Variants in PTPRD observed in about 807,000 individuals in gnomAD.
The protein encoded by PTPRD is protein tyrosine phosphatase receptor type D, also known as receptor-type tyrosine-protein phosphatase delta.
Under a neutral mutation model 214.5 loss-of-function variants are expected in PTPRD, and 34 were observed. That is an observed-to-expected ratio of 0.16 (90% CI 0.12 to 0.21). PTPRD has a LOEUF of 0.21. Among genes scored for constraint, PTPRD ranks in the 10% least tolerant of loss-of-function variants. The probability of loss-of-function intolerance (pLI) is 1.00; values close to 1 mark genes in which losing one functional copy is unlikely to be tolerated. For synonymous variants in PTPRD, 1,128 were observed against 845.7 expected (o/e 1.33, Z -5.79); for missense variants, 2,545 against 2,398.7 (o/e 1.06, Z -1.27).
chr9:9,417,582 A>AAAAATT (rs1401185345), intron 8 of PTPRD, among the ~76,000 whole-genome samples: 6 of 152,146 alleles, frequency 3.9e-5, no homozygotes, highest in Non-Finnish European at 5.9e-5. Flanking sequence ...AGGGTCTTAA[A>AAAAATT]AAAATTGAAA....
chr9:9,939,476 A>C (rs2090757146), intron 4 of PTPRD, among the ~76,000 whole-genome samples: 1 of 152,132 alleles, frequency 6.6e-6, no homozygotes, highest in Non-Finnish European at 1.5e-5. Context: ...CATGATGAAG[A>C]TCCTGCAATT....
Position 9,149,339 on chromosome 9 carries a change from T to A in PTPRD, c.-143+33965A>T, listed in dbSNP as rs973956480. ...TATTGCCATTATTAATTATTTATCA[T>A]ATATTTGCAATGTAGTGGTGGTGGT... On this transcript the variant is annotated intron_variant, in intron 10 of 45. Coordinates refer to ENST00000381196, the MANE Select transcript of PTPRD (RefSeq NM_002839.4). 2.0e-5 allele frequency among the ~76,000 whole-genome samples: 3 copies of A among 152,244 alleles called. No individual in the cohort carries two copies. In the South Asian group the frequency reaches 6.2e-4, roughly 32 times the overall value.
At chr9:9,743,449 T>G (rs1242812338) in intron 6 of PTPRD, among the ~76,000 whole-genome samples, 1 of 152,092 alleles carries the variant, frequency 6.6e-6, no homozygotes, top group Non-Finnish European at 1.5e-5. Context: ...ATTAAATAAG[T>G]TGTTCCTATG....
intron 14 of PTPRD, among the ~76,000 whole-genome samples, chr9:8,594,863 T>TA (rs2094385527): frequency 6.9e-6 from 1 of 144,008 alleles, no homozygotes. Context: ...TTAACCCCTT[T>TA]TTTTTTTTTT....
chr9:8,364,832 C>A (rs1195195096), intron 39 of PTPRD, among the ~76,000 whole-genome samples: 2 of 152,338 alleles, frequency 1.3e-5, no homozygotes, highest in South Asian at 4.1e-4. Flanking sequence ...TCCCATTATT[C>A]ATGGGCTTGA....
intron 32 of PTPRD, among the ~76,000 whole-genome samples, chr9:8,461,185 A>T (rs184224992): frequency 1.3e-5 from 2 of 152,190 alleles, no homozygotes; most frequent in Admixed American, 1.3e-4. Context: ...TTCAAAAGAG[A>T]ATTCCACAGT....
At chr9:10,034,940 G>GTAATAGGATTGCTA (rs1567220068) in intron 3 of PTPRD, among the ~76,000 whole-genome samples, 1 of 151,652 alleles carries the variant, frequency 6.6e-6, no homozygotes, top group Non-Finnish European at 1.5e-5. Context: ...TTGAGTATAT[G>GTAATAGGATTGCTA]GTAATAGGAT....
At position 9,629,238 on chromosome 9, in the gene PTPRD, G is replaced by GTGTGTATATATATATATATATA. The variant is rs149327972; in HGVS notation, c.-286-54458_-286-54457insTATATATATATATATATACACA. On this transcript the variant is annotated intron_variant, in intron 7 of 45. Coordinates refer to ENST00000381196, the MANE Select transcript of PTPRD (RefSeq NM_002839.4). ...TGGGGAGATATATATGTGTGTGTGT[G>GTGTGTATATATATATATATATA]TATATATATATATATATATGAACAC... Among the ~76,000 whole-genome samples, 777 of 140,200 alleles carry GTGTGTATATATATATATATATA rather than the reference G, an allele frequency of 5.5e-3. 9 individuals carry two copies. Among genetic ancestry groups the GTGTGTATATATATATATATATA allele is most frequent in the African/African-American group, 0.019 (668 of 35,394 alleles). 92.0% of individuals were successfully genotyped at this position (140,200 alleles called of 152,430 possible). A position where few individuals can be genotyped will look rare whatever the true frequency, so the allele number is the denominator to read the frequency against.
intron 14 of PTPRD, among the ~76,000 whole-genome samples, chr9:8,572,818 G>T (rs1381824609): frequency 6.6e-6 from 1 of 151,614 alleles, no homozygotes; most frequent in Non-Finnish European, 1.5e-5. Context: ...TCATATTACT[G>T]TGTATACTTG....
chr9:8,715,730 T>C (rs1474504941), intron 12 of PTPRD, among the ~76,000 whole-genome samples: 2 of 152,232 alleles, frequency 1.3e-5, no homozygotes. Context: ...CTAATTAGTG[T>C]CACCTCAATA....
chr9:10,493,006 A>C (rs1252047582), intron 2 of PTPRD, among the ~76,000 whole-genome samples: 1 of 152,154 alleles, frequency 6.6e-6, no homozygotes, highest in Non-Finnish European at 1.5e-5. Flanking sequence ...CAATTGCTAC[A>C]AATAGAATAC....
intron 11 of PTPRD, among the ~76,000 whole-genome samples, chr9:8,746,247 G>A (rs930079059): frequency 1.3e-5 from 2 of 152,136 alleles, no homozygotes; most frequent in African/African-American, 2.4e-5. Flanking sequence ...ACTTTATTAC[G>A]AAGTTGCTGA....
intron 11 of PTPRD, among the ~76,000 whole-genome samples, chr9:8,944,602 C>T (rs2099052707): frequency 6.6e-6 from 1 of 151,944 alleles, no homozygotes; most frequent in African/African-American, 2.4e-5. Context: ...TCATTTGCAA[C>T]AAGGATGGAA....
intron 4 of PTPRD, among the ~76,000 whole-genome samples, chr9:9,982,482 GTGTGTGT>G (rs2095576792): frequency 2.6e-3 from 21 of 8,226 alleles, no homozygotes; most frequent in Non-Finnish European, 4.9e-3. Context: ...GGTGGTGTGT[GTGTGTGT>G]GTGTGTGTGT....
intron 8 of PTPRD, among the ~76,000 whole-genome samples, chr9:9,443,391 T>C (rs1206230072): frequency 2.0e-5 from 3 of 152,184 alleles, no homozygotes; most frequent in African/African-American, 4.8e-5. Flanking sequence ...GGATTAAGGA[T>C]GGTCACAGTT....
chr9:9,779,830 T>G (rs2382055), intron 5 of PTPRD, among the ~76,000 whole-genome samples: 69,081 of 151,688 alleles, frequency 0.46, 16,129 homozygotes, highest in East Asian at 0.7. Context: ...GTTCAGCCAC[T>G]TGGGGAAAGC....
At chr9:9,508,034 T>G (rs1034483491) in intron 8 of PTPRD, among the ~76,000 whole-genome samples, 1 of 151,546 alleles carries the variant, frequency 6.6e-6, no homozygotes. Context: ...CAATATTTAA[T>G]TGATTACACA....
intron 36 of PTPRD, among the ~76,000 whole-genome samples, chr9:8,393,105 G>C (rs80024625): frequency 0.011 from 1,674 of 152,226 alleles, 35 homozygotes; most frequent in African/African-American, 0.039. Flanking sequence ...TTTCTGCTGG[G>C]AGGCTGGATC....
rs547406316 is a variant in PTPRD, at chr9:10,150,512, G to T, written c.-544-116722C>A. Among the ~76,000 whole-genome samples, 33 of 152,084 alleles carry T rather than the reference G, an allele frequency of 2.2e-4. No homozygotes were observed. In the East Asian group the frequency reaches 5.8e-3, roughly 27 times the overall value. On this transcript the variant is annotated intron_variant, in intron 3 of 45. Coordinates refer to ENST00000381196, the MANE Select transcript of PTPRD (RefSeq NM_002839.4). ...AACATCACATACCGGGGCCTTTCGT[G>T]GGGCAGGAGGAGGGGGGAGGGATAG...
Sources: gnomAD v4.1 joint callset for allele counts (sites outside exome capture counted in the v4.1 genomes callset) on GRCh38, gnomAD v4.1.1 for gene constraint, MANE v1.5 for transcripts, NCBI Gene and HGNC (gene_info 2026-07-23, HGNC 2026-07-21) for gene names.